Variants in TLL2 observed in about 807,000 individuals in gnomAD.
The protein encoded by TLL2 is tolloid-like protein 2.
TLL2 carries 106 observed loss-of-function variants against 123.0 expected under a neutral mutation model. That is an observed-to-expected ratio of 0.86 (90% CI 0.74 to 1.01). TLL2 has a LOEUF of 1.01. Among genes scored for constraint, TLL2 ranks in the 50% least tolerant of loss-of-function variants. The probability of loss-of-function intolerance (pLI) is 0.00; values close to 1 mark genes in which losing one functional copy is unlikely to be tolerated. For synonymous variants in TLL2, 494 were observed against 516.8 expected (o/e 0.96, Z 0.60); for missense variants, 1,332 against 1,336.7 (o/e 1.00, Z 0.06).
intron 10 of TLL2, among the ~76,000 whole-genome samples, chr10:96,399,019 G>A (rs752595833): frequency 2.6e-4 from 40 of 151,730 alleles, no homozygotes; most frequent in Admixed American, 2.6e-3. Flanking sequence ...CTACAGGCAC[G>A]TGCCACCATG....
In TLL2 at chr10:96,480,399, T is replaced by G; in HGVS notation, c.236A>C (p.Lys79Thr). ...TGTCTGCTTGGTCCAGTCTCTGGCT[T>G]TGTCAATGTGAAACAGCTTCAAGTC... ...EDDLKLFHIDKARDWTKQTVG... is the reference protein window; with the variant it reads ...EDDLKLFHIDTARDWTKQTVG... Residue 79 changes from lysine (K) to threonine (T), a missense_variant, in exon 2 of 21, where the codon AAA becomes ACA. Coordinates refer to ENST00000357947, the MANE Select transcript of TLL2 (RefSeq NM_012465.4). 4.3e-6 allele frequency: 7 copies of G among 1,614,190 alleles called. No individual in the cohort carries two copies. The highest frequency in any genetic ancestry group is 5.9e-6 in the Non-Finnish European group (7 of 1,180,042).
chr10:96,461,943 A>G lies in TLL2; in HGVS notation c.287-15775T>C, dbSNP rs182417047. 2.3e-3 allele frequency among the ~76,000 whole-genome samples: 351 copies of G among 152,188 alleles called. 5 individuals are homozygous for G. Among genetic ancestry groups the G allele is most frequent in the Non-Finnish European group, 5.4e-4 (37 of 67,992 alleles). On this transcript the variant is annotated intron_variant, in intron 2 of 20. Coordinates refer to ENST00000357947, the MANE Select transcript of TLL2 (RefSeq NM_012465.4). ...ATCTATCACCCCTATAAGACGCTCT[A>G]CTCCTTAAGAACTGGAGCAACATCC...
intron 1 of TLL2, among the ~76,000 whole-genome samples, chr10:96,510,495 C>A (rs563130441): frequency 6.6e-6 from 1 of 152,308 alleles, no homozygotes; most frequent in South Asian, 2.1e-4. Context: ...GCTTTAAGGT[C>A]AGCATGAAGA....
chr10:96,478,631 T>C lies in TLL2; in HGVS notation c.286+1718A>G, dbSNP rs1847282271. Among the ~76,000 whole-genome samples the C allele has an allele frequency of 3.3e-5, 5 of 152,312 alleles. 1 individual carries two copies. In the South Asian group the frequency reaches 1.0e-3, roughly 32 times the overall value. On this transcript the variant is annotated intron_variant, in intron 2 of 20. Transcript: ENST00000357947. ...AATAAACCAGAGTCCGTTCATACAA[T>C]AGAATACTGCATAACAATGAAAAAG... is the stretch of plus-strand genomic sequence containing the variant.
intron 10 of TLL2, among the ~76,000 whole-genome samples, chr10:96,397,578 C>T (rs1012618163): frequency 2.0e-5 from 3 of 152,126 alleles, no homozygotes; most frequent in African/African-American, 7.2e-5. Context: ...TCTCCCCTGC[C>T]GAGGGGTGTT....
intron 1 of TLL2, among the ~76,000 whole-genome samples, chr10:96,511,827 C>A (rs560351212): frequency 1.3e-5 from 2 of 152,246 alleles, no homozygotes; most frequent in Admixed American, 1.3e-4. Context: ...TCACACCCAG[C>A]AGGGTCTAGG....
chr10:96,437,590 C>T (rs1314295377), intron 3 of TLL2, among the ~76,000 whole-genome samples: 1 of 152,166 alleles, frequency 6.6e-6, no homozygotes, highest in East Asian at 1.9e-4. Context: ...TGGCAACCAC[C>T]AGTCTGTTTC....
chr10:96,469,677 T>TC (rs61391162), intron 2 of TLL2, among the ~76,000 whole-genome samples: 29,002 of 152,160 alleles, frequency 0.19, 2,909 homozygotes, highest in South Asian at 0.34. Context: ...GACCCATTCC[T>TC]CCAGTGCTCC....
intron 2 of TLL2, among the ~76,000 whole-genome samples, chr10:96,451,617 A>G (rs1674440899): frequency 6.6e-6 from 1 of 152,200 alleles, no homozygotes; most frequent in Non-Finnish European, 1.5e-5. Flanking sequence ...GAGAATACCT[A>G]CCATTTTTTA....
intron 1 of TLL2, 79 bp from the exon 2 acceptor site, chr10:96,480,538 T>C (rs1382689421): frequency 8.8e-7 from 1 of 1,130,446 alleles, no homozygotes; most frequent in East Asian, 2.3e-5. Context: ...CAAAGGGCAT[T>C]GGGTGTTGGG....
chr10:96,371,788 G>C (rs1846087295), intron 19 of TLL2, among the ~76,000 whole-genome samples: 1 of 152,200 alleles, frequency 6.6e-6, no homozygotes, highest in Non-Finnish European at 1.5e-5. Flanking sequence ...TTCAGCCATG[G>C]GGAGCACCAG....
At chr10:96,468,860 A>G (rs1036396038) in intron 2 of TLL2, among the ~76,000 whole-genome samples, 21 of 152,190 alleles carry the variant, frequency 1.4e-4, no homozygotes, top group Non-Finnish European at 8.8e-5. Context: ...TTTTCCCAAC[A>G]CTTCAAGTTC....
At position 96,413,297 on chromosome 10, in the gene TLL2, T is replaced by C. The variant is rs376913935; in HGVS notation, c.943A>G (p.Ile315Val). 1.3e-5 allele frequency: 21 copies of C among 1,613,812 alleles called. No homozygotes were observed. Among genetic ancestry groups the C allele is most frequent in the African/African-American group, 2.7e-5 (2 of 74,902 alleles). Residue 315 changes from isoleucine (I) to valine (V), a missense_variant, in exon 8 of 21, where the codon ATC (isoleucine) becomes GTC (valine). Coordinates refer to ENST00000357947, the MANE Select transcript of TLL2 (RefSeq NM_012465.4). The part of the protein sequence containing the change: ...TFSRGVFLDT[I>V]LPRQDDNGVR... ...CCATTGTCATCTTGACGGGGAAGGA[T>C]GGTGTCTAAGAAAACTCCTCTACAG...
At chr10:96,369,309 T>G (rs771371032) in intron 20 of TLL2, among the ~76,000 whole-genome samples, 1 of 152,204 alleles carries the variant, frequency 6.6e-6, no homozygotes, top group Non-Finnish European at 1.5e-5. Context: ...AAATCAATAA[T>G]GAGAACATTG....
intron 13 of TLL2, among the ~76,000 whole-genome samples, chr10:96,388,619 T>C (rs1846258839): frequency 6.6e-6 from 1 of 152,150 alleles, no homozygotes. Flanking sequence ...TCAAAGGTAT[T>C]TATTGGGTCA....
intron 10 of TLL2, among the ~76,000 whole-genome samples, chr10:96,400,609 G>A (rs908620692): frequency 2.6e-5 from 4 of 152,180 alleles, no homozygotes; most frequent in African/African-American, 9.7e-5. Context: ...GCTGCCCCTG[G>A]CTAGGGAGCC....
chr10:96,399,770 G>A (rs1846376116), intron 10 of TLL2, among the ~76,000 whole-genome samples: 1 of 152,198 alleles, frequency 6.6e-6, no homozygotes, highest in African/African-American at 2.4e-5. Context: ...TCAAATCCAA[G>A]TTTCTCCTTT....
At position 96,367,859 on chromosome 10, in the gene TLL2, A is replaced by G. The variant is rs1239845989; in HGVS notation, c.*229T>C. On this transcript the variant is annotated 3_prime_UTR_variant, in exon 21 of 21. Transcript: ENST00000357947. ...CTAATCTTTAACACTTTAACAGTTC[A>G]TGAATGATAACATTGCAGACAGAAG... 15 of 528,026 alleles carry G rather than the reference A, an allele frequency of 2.8e-5. No homozygotes were observed. Among genetic ancestry groups the G allele is most frequent in the African/African-American group, 2.7e-4 (14 of 52,516 alleles). The allele number at this position is 528,026 out of a possible 1,614,324, so 32.7% of individuals were successfully genotyped here.
intron 10 of TLL2, among the ~76,000 whole-genome samples, chr10:96,401,376 C>T (rs868305068): frequency 2.0e-5 from 3 of 152,248 alleles, no homozygotes; most frequent in African/African-American, 4.8e-5. Context: ...CCAGCTCGGC[C>T]GACACAATGC....
Sources: gnomAD v4.1 joint callset for allele counts (sites outside exome capture counted in the v4.1 genomes callset) on GRCh38, gnomAD v4.1.1 for gene constraint, MANE v1.5 for transcripts, NCBI Gene and HGNC (gene_info 2026-07-23, HGNC 2026-07-21) for gene names.